The following UBE2E2 variants were observed in gnomAD, a reference collection of about 807,000 sequenced individuals.
The protein encoded by UBE2E2 is ubiquitin-conjugating enzyme E2 E2.
A neutral mutation model predicts 24.7 loss-of-function variants in UBE2E2; 6 were observed. The observed-to-expected ratio is 0.24, with a 90% CI of 0.13 to 0.48. UBE2E2 has a LOEUF of 0.48. Ranked by LOEUF, UBE2E2 falls within the 20% of genes least tolerant of loss-of-function variation. UBE2E2 has a pLI of 0.99. For missense variants in UBE2E2, 169 were observed against 245.0 expected (o/e 0.69, Z 2.07); for synonymous variants, 104 against 83.6 (o/e 1.24, Z -1.33).
intron 5 of UBE2E2, among the ~76,000 whole-genome samples, chr3:23,567,320 T>G (rs1559424368): frequency 6.6e-6 from 1 of 152,194 alleles, no homozygotes; most frequent in Non-Finnish European, 1.5e-5. Context: ...GCACTGTGTG[T>G]GGACAGAATT....
At chr3:23,423,706 G>A (rs1559379534) in intron 3 of UBE2E2, among the ~76,000 whole-genome samples, 1 of 152,130 alleles carries the variant, frequency 6.6e-6, no homozygotes. Context: ...ACCTATACTG[G>A]AATATAAGCA....
intron 3 of UBE2E2, among the ~76,000 whole-genome samples, chr3:23,450,827 G>T (rs555113187): frequency 6.6e-6 from 1 of 152,096 alleles, no homozygotes; most frequent in Non-Finnish European, 1.5e-5. Flanking sequence ...TATAGTATGT[G>T]CAGTGCTATT....
chr3:23,401,272 A>G (rs545713280), intron 3 of UBE2E2, among the ~76,000 whole-genome samples: 1 of 152,368 alleles, frequency 6.6e-6, no homozygotes, highest in Admixed American at 6.5e-5. Context: ...GAGTTAGAAT[A>G]CAAAACACTT....
At chr3:23,347,680 T>C (rs1695603952) in intron 3 of UBE2E2, among the ~76,000 whole-genome samples, 2 of 152,184 alleles carry the variant, frequency 1.3e-5, no homozygotes, top group African/African-American at 4.8e-5. Flanking sequence ...TGTGCACATG[T>C]ACCCTAAAAC....
chr3:23,207,645 A>G (rs895310760), intron 1 of UBE2E2, among the ~76,000 whole-genome samples: 30 of 152,170 alleles, frequency 2.0e-4, no homozygotes, highest in African/African-American at 7.2e-4. Flanking sequence ...TTGAATAGGG[A>G]TTTGAAAGTG....
intron 3 of UBE2E2, among the ~76,000 whole-genome samples, chr3:23,406,369 C>A (rs185827238): frequency 6.6e-6 from 1 of 152,154 alleles, no homozygotes; most frequent in Non-Finnish European, 1.5e-5. Context: ...TGTATGACCT[C>A]GAACTGATAT....
At chr3:23,269,978 G>T (rs918610758) in intron 3 of UBE2E2, among the ~76,000 whole-genome samples, 3 of 152,114 alleles carry the variant, frequency 2.0e-5, no homozygotes, top group Admixed American at 6.5e-5. Flanking sequence ...TGAAAATCTT[G>T]GTTTAGAGTC....
At chr3:23,388,424 C>T (rs1375042715) in intron 3 of UBE2E2, among the ~76,000 whole-genome samples, 5 of 152,168 alleles carry the variant, frequency 3.3e-5, no homozygotes, top group Admixed American at 2.0e-4. Context: ...CTCTGTTAGA[C>T]ATAGAGAAGT....
At chr3:23,330,077 A>G (rs1481052868) in intron 3 of UBE2E2, among the ~76,000 whole-genome samples, 2 of 152,226 alleles carry the variant, frequency 1.3e-5, no homozygotes, top group African/African-American at 4.8e-5. Context: ...TAGGCATGGG[A>G]TAAAAGAAAC....
intron 3 of UBE2E2, among the ~76,000 whole-genome samples, chr3:23,345,557 T>C (rs992202969): frequency 6.6e-6 from 1 of 152,200 alleles, no homozygotes; most frequent in African/African-American, 2.4e-5. Flanking sequence ...ACTTGAACTT[T>C]ATCTTAACAC....
intron 3 of UBE2E2, among the ~76,000 whole-genome samples, chr3:23,361,183 G>T (rs1218122298): frequency 6.6e-6 from 1 of 152,114 alleles, no homozygotes; most frequent in Admixed American, 6.5e-5. Flanking sequence ...AATAATAGAT[G>T]TTGGTGTGAA....
At chr3:23,255,079 CTTTTTTTTTTTTTTTTT>C (rs202015038) in intron 3 of UBE2E2, among the ~76,000 whole-genome samples, 2 of 85,950 alleles carry the variant, frequency 2.3e-5, no homozygotes, top group Non-Finnish European at 4.2e-5. Context: ...GAGTAACTTC[CTTTTTTTTTTTTTTTTT>C]TTTTTTTTGA....
chr3:23,446,156 A>G (rs1457053853), intron 3 of UBE2E2, among the ~76,000 whole-genome samples: 1 of 152,184 alleles, frequency 6.6e-6, no homozygotes, highest in Non-Finnish European at 1.5e-5. Context: ...TGATAAATGG[A>G]TCAAAACGGT....
At chr3:23,460,460 A>G (rs1291916509) in intron 3 of UBE2E2, among the ~76,000 whole-genome samples, 1 of 152,180 alleles carries the variant, frequency 6.6e-6, no homozygotes, top group Non-Finnish European at 1.5e-5. Flanking sequence ...TATGGGTTAC[A>G]TGCGAGGCTC....
At chr3:23,251,413 A>G (rs2125345988) in intron 3 of UBE2E2, among the ~76,000 whole-genome samples, 1 of 152,310 alleles carries the variant, frequency 6.6e-6, no homozygotes, top group South Asian at 2.1e-4. Flanking sequence ...CTTTGGTGAT[A>G]GTTGGGCTAT....
chr3:23,425,518 G>C (rs1226897861), intron 3 of UBE2E2, among the ~76,000 whole-genome samples: 35 of 152,144 alleles, frequency 2.3e-4, no homozygotes, highest in Non-Finnish European at 2.9e-5. Flanking sequence ...AAAATTAACA[G>C]TTCTTCTTAG....
chr3:23,589,682 C>A lies in UBE2E2; in HGVS notation c.509-52C>A. On this transcript the variant is annotated intron_variant, in intron 5 of 5. Transcript: ENST00000396703. This position sits in a 1 kb window ranked among gnomAD's most constrained non-coding sequence, Gnocchi z 4.1. ...CTCCTTGCCAGCTTTCTGAACACTT[C>A]TTCCCCCACAGTGCTGGTATTTACT... The A allele has an allele frequency of 1.3e-6, 2 of 1,589,996 alleles. No homozygotes were observed. Among genetic ancestry groups the A allele is most frequent in the Non-Finnish European group, 1.7e-6 (2 of 1,159,796 alleles).
At chr3:23,584,755 G>A in intron 5 of UBE2E2, among the ~76,000 whole-genome samples, 1 of 117,964 alleles carries the variant, frequency 8.5e-6, no homozygotes. Flanking sequence ...TTTTTTTGTA[G>A]AGATGGGTTC....
Position 23,589,677 on chromosome 3 carries a change from C to A in UBE2E2, c.509-57C>A. On this transcript the variant is annotated intron_variant, in intron 5 of 5. Coordinates refer to ENST00000396703, the MANE Select transcript of UBE2E2 (RefSeq NM_152653.4). The surrounding 1 kb of genome is among the most constrained non-coding windows in gnomAD (Gnocchi z 4.1). The stretch of plus-strand genomic sequence containing the variant: ...TCCCACTCCTTGCCAGCTTTCTGAA[C>A]ACTTCTTCCCCCACAGTGCTGGTAT... 2 of 1,577,368 alleles carry A rather than the reference C, an allele frequency of 1.3e-6. No individual in the cohort carries two copies. The highest frequency in any genetic ancestry group is 1.7e-6 in the Non-Finnish European group (2 of 1,149,216).
Sources: allele counts gnomAD v4.1 joint callset (sites outside exome capture counted in the v4.1 genomes callset), GRCh38; gene constraint gnomAD v4.1.1; non-coding constraint Gnocchi (gnomAD v3.1); transcripts MANE v1.5; gene names NCBI Gene and HGNC (gene_info 2026-07-23, HGNC 2026-07-21).